ACSS3: variants seen among roughly 807,000 people sequenced by gnomAD.
ACSS3 encodes acyl-CoA synthetase short-chain family member 3, mitochondrial.
In ACSS3, 64 loss-of-function variants were observed where a neutral mutation model predicts 84.2. The ratio of observed to expected loss-of-function variants is 0.76; its 90% confidence interval spans 0.62 to 0.94. The LOEUF (loss-of-function observed/expected upper bound fraction) is 0.94. ACSS3 is among the 40% of genes least tolerant of loss of function. The pLI is 0.00. For missense variants in ACSS3, 815 were observed against 867.6 expected, an observed-to-expected ratio of 0.94 and a Z score of 0.76; for synonymous variants, 317 against 310.1, an observed-to-expected ratio of 1.02 and a Z score of -0.23.
chr12:81,115,805 C>CA (rs1427618903), intron 2 of ACSS3, among the ~76,000 whole-genome samples: 5 of 152,054 alleles, frequency 3.3e-5, no homozygotes, highest in African/African-American at 1.2e-4. Flanking sequence ...TTTTAGGAAT[C>CA]AAAGTTGAGA....
At chr12:81,079,927 C>G (rs534211813) in intron 1 of ACSS3, among the ~76,000 whole-genome samples, 1 of 152,286 alleles carries the variant, frequency 6.6e-6, no homozygotes, top group Admixed American at 6.5e-5. Context: ...AAGAATAGCT[C>G]TCTTTGTATT....
At chr12:81,247,400 C>T (rs1223142591) in intron 13 of ACSS3, among the ~76,000 whole-genome samples, 2 of 152,016 alleles carry the variant, frequency 1.3e-5, no homozygotes, top group African/African-American at 4.8e-5. Context: ...AATGCTTCTA[C>T]TGAAATCCTT....
chr12:81,140,006 T>C (rs2135725184), intron 4 of ACSS3, among the ~76,000 whole-genome samples: 1 of 152,266 alleles, frequency 6.6e-6, no homozygotes, highest in African/African-American at 2.4e-5. Flanking sequence ...AAAAGAAGAC[T>C]CCAGTGAACA....
In ACSS3 at chr12:81,141,487, C is replaced by T. The variant is rs527949125; in HGVS notation, c.781-1620C>T. Reference sequence around the variant, plus strand: ...AATCACCCCTATGCTCTCCCAATACCGCCTTTTAAGAATTATAAGAATTAG... The same window carrying T: ...AATCACCCCTATGCTCTCCCAATACTGCCTTTTAAGAATTATAAGAATTAG... On this transcript the variant is annotated intron_variant, in intron 4 of 15. Transcript: ENST00000548058. 2.3e-4 allele frequency among the ~76,000 whole-genome samples: 35 copies of T among 152,266 alleles called. 1 individual carries two copies. The highest frequency in any genetic ancestry group is 7.5e-4 in the African/African-American group (31 of 41,584).
chr12:81,196,533 G>T (rs186696413), intron 8 of ACSS3, among the ~76,000 whole-genome samples: 1 of 151,830 alleles, frequency 6.6e-6, no homozygotes, highest in Non-Finnish European at 1.5e-5. Flanking sequence ...ATATTTTTTG[G>T]ATTTGCAGCT....
chr12:81,192,329 G>A (rs746508316), intron 8 of ACSS3, among the ~76,000 whole-genome samples: 10 of 152,140 alleles, frequency 6.6e-5, no homozygotes, highest in African/African-American at 1.4e-4. Flanking sequence ...ATAGTAAGCC[G>A]AGACCGTGCT....
chr12:81,162,500 A>T (rs901795231), intron 7 of ACSS3, among the ~76,000 whole-genome samples: 1 of 152,106 alleles, frequency 6.6e-6, no homozygotes, highest in Non-Finnish European at 1.5e-5. Context: ...GTGCATGCTG[A>T]TTGGCCTATT....
Position 81,145,454 on chromosome 12 carries a change from T to C in ACSS3, c.921+2207T>C, listed in dbSNP as rs78489738. On this transcript the variant is annotated intron_variant, in intron 5 of 15. Transcript: ENST00000548058. ...AACTATGAGTAAAGTACAGTCCTTC[T>C]AGTCTAGTGAGATTGAACTAGGTAT... is the stretch of plus-strand genomic sequence containing the variant. 8.0e-3 allele frequency among the ~76,000 whole-genome samples: 1,223 copies of C among 152,268 alleles called. 13 individuals are homozygous for C. The highest frequency in any genetic ancestry group is 0.047 in the East Asian group (243 of 5,168).
intron 13 of ACSS3, among the ~76,000 whole-genome samples, chr12:81,246,976 C>G (rs1484785761): frequency 6.6e-6 from 1 of 152,142 alleles, no homozygotes; most frequent in South Asian, 2.1e-4. Flanking sequence ...TACCTATCTT[C>G]AGTTCAAACT....
At chr12:81,089,763 G>C (rs1881554299) in intron 1 of ACSS3, among the ~76,000 whole-genome samples, 1 of 151,890 alleles carries the variant, frequency 6.6e-6, no homozygotes, top group Non-Finnish European at 1.5e-5. Flanking sequence ...TGCTGTTTTG[G>C]TACTAATTAT....
chr12:81,251,668 C>CGAAAAAAAAAAAA (rs2034155851), intron 13 of ACSS3, among the ~76,000 whole-genome samples: 15 of 87,858 alleles, frequency 1.7e-4, no homozygotes, highest in South Asian at 4.6e-4. Flanking sequence ...CCCATCTCTA[C>CGAAAAAAAAAAAA]AAAAAAAAAA....
intron 1 of ACSS3, among the ~76,000 whole-genome samples, chr12:81,082,216 C>T (rs923742442): frequency 6.6e-6 from 1 of 152,216 alleles, no homozygotes; most frequent in Non-Finnish European, 1.5e-5. Context: ...GGCCTCCTCT[C>T]TCCTTCCTTG....
At chr12:81,117,323 A>G (rs1245702895) in intron 2 of ACSS3, among the ~76,000 whole-genome samples, 1 of 152,218 alleles carries the variant, frequency 6.6e-6, no homozygotes, top group Non-Finnish European at 1.5e-5. Flanking sequence ...AATATGTACT[A>G]TGAATAAAAA....
At chr12:81,234,980 C>G (rs909117272) in intron 13 of ACSS3, among the ~76,000 whole-genome samples, 1 of 151,210 alleles carries the variant, frequency 6.6e-6, no homozygotes, top group African/African-American at 2.4e-5. Context: ...TTTCCTAACT[C>G]AGCATCACAA....
intron 9 of ACSS3, among the ~76,000 whole-genome samples, chr12:81,202,496 C>A (rs1336183943): frequency 1.3e-5 from 2 of 151,994 alleles, no homozygotes; most frequent in African/African-American, 4.8e-5. Context: ...TACATTTCCC[C>A]AAGAAGTATG....
chr12:81,112,516 T>C (rs1404382235), intron 2 of ACSS3, among the ~76,000 whole-genome samples: 1 of 152,216 alleles, frequency 6.6e-6, no homozygotes, highest in Admixed American at 6.6e-5. Context: ...GCTGGTTCCC[T>C]GGTTTCAGTT....
At chr12:81,178,909 C>T (rs2030698052) in intron 8 of ACSS3, among the ~76,000 whole-genome samples, 1 of 152,126 alleles carries the variant, frequency 6.6e-6, no homozygotes, top group Admixed American at 6.5e-5. Context: ...TACAAGGCTA[C>T]ATTAACTAAA....
At chr12:81,164,027 G>A (rs1887284206) in intron 7 of ACSS3, among the ~76,000 whole-genome samples, 1 of 152,132 alleles carries the variant, frequency 6.6e-6, no homozygotes, top group South Asian at 2.1e-4. Flanking sequence ...ACAATATGTA[G>A]TATTGTACAA....
chr12:81,078,770 A>G (rs527876274), intron 1 of ACSS3, among the ~76,000 whole-genome samples: 3 of 152,304 alleles, frequency 2.0e-5, no homozygotes, highest in African/African-American at 7.2e-5. Context: ...TACTAGGTAA[A>G]CAAAGCAAGC....
Sources: gnomAD v4.1 joint callset for allele counts (sites outside exome capture counted in the v4.1 genomes callset) on GRCh38, gnomAD v4.1.1 for gene constraint, MANE v1.5 for transcripts, NCBI Gene and HGNC (gene_info 2026-07-23, HGNC 2026-07-21) for gene names.